RAP1GDS1: variants seen among roughly 807,000 people sequenced by gnomAD.
RAP1GDS1 encodes the protein RAP1, GTP-GDP dissociation stimulator 1.
A neutral mutation model predicts 71.1 loss-of-function variants in RAP1GDS1; 35 were observed. The ratio of observed to expected loss-of-function variants is 0.49; its 90% CI spans 0.38 to 0.65. The LOEUF (loss-of-function observed/expected upper bound fraction) is 0.65. Among genes scored for constraint, RAP1GDS1 ranks in the 30% least tolerant of loss-of-function variants. The probability of loss-of-function intolerance (pLI) is 0.00; values close to 1 mark genes in which losing one functional copy is unlikely to be tolerated. For missense variants in RAP1GDS1, 663 were observed against 706.1 expected (o/e 0.94, Z 0.69); for synonymous variants, 229 against 243.1 (o/e 0.94, Z 0.54).
intron 2 of RAP1GDS1, among the ~76,000 whole-genome samples, chr4:98,311,615 T>C (rs2110320923): frequency 6.6e-6 from 1 of 152,276 alleles, no homozygotes; most frequent in African/African-American, 2.4e-5. Context: ...GAAATATATA[T>C]GTATATTTAT....
Position 98,392,333 on chromosome 4 carries a change from A to T in RAP1GDS1, c.637+253A>T, listed in dbSNP as rs1252355303. On this transcript the variant is annotated intron_variant, in intron 6 of 14. Coordinates refer to ENST00000408927, the MANE Select transcript of RAP1GDS1 (RefSeq NM_001100427.2). ...ATGTTTAAAGCTCACATTGTACATT[A>T]TGTAACAGAGTTGAATATTTACACT... 3 of 295,558 alleles carry T rather than the reference A, an allele frequency of 1.0e-5. No individual in the cohort carries two copies. In the South Asian group the frequency reaches 1.9e-4, roughly 18 times the overall value. The allele number at this position is 295,558 out of a possible 1,614,324, so 18.3% of individuals were successfully genotyped here.
At chr4:98,304,179 T>C (rs1231383402) in intron 2 of RAP1GDS1, among the ~76,000 whole-genome samples, 1 of 152,326 alleles carries the variant, frequency 6.6e-6, no homozygotes, top group African/African-American at 2.4e-5. Context: ...ATCTTTATAA[T>C]AGAATGACTT....
chr4:98,361,384 G>A (rs1246487887), intron 4 of RAP1GDS1, among the ~76,000 whole-genome samples: 3 of 151,932 alleles, frequency 2.0e-5, no homozygotes, highest in Non-Finnish European at 4.4e-5. Context: ...CTATGTAAAA[G>A]TAACTTTTAT....
chr4:98,357,313 G>A (rs1375612529), intron 4 of RAP1GDS1, among the ~76,000 whole-genome samples: 1 of 151,856 alleles, frequency 6.6e-6, no homozygotes, highest in East Asian at 1.9e-4. Context: ...AGAATTATCA[G>A]TCAGTAAGTA....
At chr4:98,343,284 TTCTGCTGGGAACG>T (rs1735760225) in intron 3 of RAP1GDS1, 23 bp downstream of exon 3, 1 of 1,571,812 alleles carries the variant, frequency 6.4e-7, no homozygotes, top group African/African-American at 1.4e-5. Flanking sequence ...TCAAGAACTT[TTCTGCTGGGAACG>T]TCTTCAGTTT....
intron 5 of RAP1GDS1, among the ~76,000 whole-genome samples, 165 bp from the exon 6 acceptor site, chr4:98,391,787 T>A (rs1743713893): frequency 6.6e-6 from 1 of 152,216 alleles, no homozygotes; most frequent in South Asian, 2.1e-4. Context: ...AACTAATGTT[T>A]AAAATGTTCA....
chr4:98,437,179 T>A (rs560505307), intron 14 of RAP1GDS1, 111 bp downstream of exon 14: 2 of 1,139,996 alleles, frequency 1.8e-6, no homozygotes, highest in South Asian at 4.7e-5. Flanking sequence ...TAGAAATTAG[T>A]TTATGGAGGT....
chr4:98,337,134 A>G (rs901042678), intron 2 of RAP1GDS1, among the ~76,000 whole-genome samples: 3 of 152,134 alleles, frequency 2.0e-5, no homozygotes, highest in Non-Finnish European at 4.4e-5. Flanking sequence ...GCCTCAACTG[A>G]TCCGCCCACC....
At chr4:98,362,207 T>A (rs540890514) in intron 4 of RAP1GDS1, among the ~76,000 whole-genome samples, 3 of 152,310 alleles carry the variant, frequency 2.0e-5, no homozygotes, top group Admixed American at 6.5e-5. Context: ...GGTCTGCATG[T>A]GGTGGCTCAC....
chr4:98,275,440 G>T (rs1724067094), intron 1 of RAP1GDS1, among the ~76,000 whole-genome samples: 1 of 152,052 alleles, frequency 6.6e-6, no homozygotes, highest in Non-Finnish European at 1.5e-5. Context: ...AATGCACAAA[G>T]GAATGAGTTG....
intron 2 of RAP1GDS1, among the ~76,000 whole-genome samples, chr4:98,301,183 A>G (rs1034225283): frequency 5.3e-5 from 8 of 151,794 alleles, no homozygotes; most frequent in African/African-American, 1.7e-4. Context: ...ATTCATTATT[A>G]TTATTTTTTT....
intron 2 of RAP1GDS1, among the ~76,000 whole-genome samples, chr4:98,312,824 C>G (rs1332654601): frequency 6.6e-6 from 1 of 151,720 alleles, no homozygotes; most frequent in Non-Finnish European, 1.5e-5. Flanking sequence ...AATCCCAGCA[C>G]TTTGGGAGGC....
intron 3 of RAP1GDS1, among the ~76,000 whole-genome samples, chr4:98,349,552 T>A (rs570389272): frequency 6.6e-6 from 1 of 152,324 alleles, no homozygotes; most frequent in African/African-American, 2.4e-5. Context: ...ATAAATTACT[T>A]TGGGCAGTAT....
Position 98,402,494 on chromosome 4 carries a change from A to G in RAP1GDS1, c.638-1983A>G, listed in dbSNP as rs574935535. Among the ~76,000 whole-genome samples the G allele has an allele frequency of 2.6e-5, 4 of 152,224 alleles. No individual in the cohort carries two copies. In the East Asian group the frequency reaches 7.7e-4, roughly 29 times the overall value. On this transcript the variant is annotated intron_variant, in intron 6 of 14. Coordinates refer to ENST00000408927, the MANE Select transcript of RAP1GDS1 (RefSeq NM_001100427.2). ...ACCCTTACTTTTTTTCCCCCTTGGC[A>G]TGTGAAGTAAGAGCTAAAGCCGTAG...
intron 1 of RAP1GDS1, among the ~76,000 whole-genome samples, chr4:98,262,657 A>T (rs1006068085): frequency 3.9e-5 from 6 of 152,202 alleles, no homozygotes; most frequent in Admixed American, 3.9e-4. Context: ...GGCATCTGTC[A>T]GCTGGGACTT....
In RAP1GDS1 at chr4:98,417,451, A is replaced by G; in HGVS notation, c.992A>G (p.Gln331Arg). ...TCTTGGATCCCATCAAATAACCACC[A>G]GCTACAGCTTGCTGGAGCATTGGCA... ...VLSWIPSNNH[Q>R]LQLAGALAIA... The change falls in exon 9 of 15, where the codon CAG (glutamine) becomes CGG (arginine). Residue 331 changes from glutamine (Q) to arginine (R), a missense_variant. By Grantham distance (43) the Gln-to-Arg change is conservative. Coordinates refer to ENST00000408927, the MANE Select transcript of RAP1GDS1 (RefSeq NM_001100427.2). The G allele has an allele frequency of 3.7e-6, 6 of 1,613,910 alleles. No individual in the cohort carries two copies. Among genetic ancestry groups the G allele is most frequent in the Non-Finnish European group, 5.1e-6 (6 of 1,179,834 alleles).
chr4:98,268,477 CAAGAA>C (rs1280479625), intron 1 of RAP1GDS1, among the ~76,000 whole-genome samples: 5 of 151,236 alleles, frequency 3.3e-5, no homozygotes, highest in African/African-American at 1.2e-4. Flanking sequence ...AGCAAATAGA[CAAGAA>C]AAAGAAATTA....
At position 98,343,227 on chromosome 4, in the gene RAP1GDS1, A is replaced by G; in HGVS notation, c.201A>G (p.Lys67=). Residue 67 remains lysine, a synonymous_variant, in exon 3 of 15, where the codon AAA becomes AAG. Coordinates refer to ENST00000408927, the MANE Select transcript of RAP1GDS1 (RefSeq NM_001100427.2). ...CTCCACAGTCTTCCTGCAAAGCCAA[A>G]GTAGCTAACATCATAGCAGAAGTAG... ...LLTPQSSCKA[K]VANIIAEVAK... The G allele has an allele frequency of 6.2e-7, 1 of 1,605,900 alleles. No homozygotes were observed.
chr4:98,399,822 G>C (rs1053619428), intron 6 of RAP1GDS1, among the ~76,000 whole-genome samples: 1 of 152,020 alleles, frequency 6.6e-6, no homozygotes, highest in Non-Finnish European at 1.5e-5. Flanking sequence ...ACTCACACTG[G>C]GAGTGTCAAC....
Sources: gnomAD v4.1 joint callset for allele counts (sites outside exome capture counted in the v4.1 genomes callset) on GRCh38, gnomAD v4.1.1 for gene constraint, MANE v1.5 for transcripts, NCBI Gene and HGNC (gene_info 2026-07-23, HGNC 2026-07-21) for gene names.